Variants in HORMAD1 observed in about 807,000 individuals in gnomAD.
The protein encoded by HORMAD1 is HORMA domain containing 1.
In HORMAD1, 33 loss-of-function variants were observed where a neutral mutation model predicts 58.2. The ratio of observed to expected loss-of-function variants is 0.57; its 90% CI spans 0.43 to 0.76. The LOEUF (loss-of-function observed/expected upper bound fraction) is 0.76. HORMAD1 is among the 30% of genes least tolerant of loss of function. The pLI, the probability that HORMAD1 is intolerant of heterozygous loss-of-function variation, is 0.00. For synonymous variants in HORMAD1, 137 were observed against 144.6 expected (o/e 0.95, Z 0.38); for missense variants, 363 against 462.0 (o/e 0.79, Z 1.96).
chr1:150,717,013 T>A, intron 3 of HORMAD1, 125 bp downstream of exon 3: 1 of 501,882 alleles, frequency 2.0e-6, no homozygotes. Context: ...AACTGTCAGG[T>A]ACGTGAATTG....
At chr1:150,706,220 G>A (rs918023995) in intron 10 of HORMAD1, among the ~76,000 whole-genome samples, 1 of 152,150 alleles carries the variant, frequency 6.6e-6, no homozygotes, top group African/African-American at 2.4e-5. Context: ...CCGGGAGTTA[G>A]ACTAGTGCAA....
intron 12 of HORMAD1, 27 bp downstream of exon 12, chr1:150,704,091 A>C: frequency 6.7e-7 from 1 of 1,485,994 alleles, no homozygotes; most frequent in Non-Finnish European, 9.1e-7. Flanking sequence ...ACAAAACAAA[A>C]GTGAGATGAA....
intron 7 of HORMAD1, among the ~76,000 whole-genome samples, chr1:150,709,511 G>C (rs979500516): frequency 6.6e-6 from 1 of 151,520 alleles, no homozygotes; most frequent in Admixed American, 6.6e-5. Context: ...AATGCATTGC[G>C]GAAAGCCGCA....
At chr1:150,703,233 C>T (rs368989594) in intron 13 of HORMAD1, 77 bp downstream of exon 13, 75 of 799,446 alleles carry the variant, frequency 9.4e-5, no homozygotes, top group Admixed American at 1.8e-4. Context: ...GTTTAATAAA[C>T]GAAATATTAA....
chr1:150,706,552 C>A lies in HORMAD1; in HGVS notation c.804+1G>T. The A allele has an allele frequency of 6.3e-7, 1 of 1,598,388 alleles. No homozygotes were observed. Among genetic ancestry groups the A allele is most frequent in the Non-Finnish European group, 8.6e-7 (1 of 1,168,882 alleles). ...CTTTATAACTCTTGAAATACACTTACACTTGTATAATGCTCCTGTTCATCT... is the reference window on the plus strand; with the variant it reads ...CTTTATAACTCTTGAAATACACTTAAACTTGTATAATGCTCCTGTTCATCT... On this transcript the variant is annotated splice_donor_variant, in intron 10 of 14. Coordinates refer to ENST00000361824, the MANE Select transcript of HORMAD1 (RefSeq NM_032132.5). LOFTEE classifies it high-confidence loss of function.
intron 6 of HORMAD1, 41 bp from the exon 7 acceptor site, chr1:150,711,612 G>A: frequency 2.7e-6 from 4 of 1,459,602 alleles, no homozygotes; most frequent in Non-Finnish European, 3.8e-6. Flanking sequence ...CTAAGGCTAA[G>A]TATTCAAGAA....
At chr1:150,720,278 G>T (rs1426844757) in intron 1 of HORMAD1, among the ~76,000 whole-genome samples, 1 of 152,150 alleles carries the variant, frequency 6.6e-6, no homozygotes, top group African/African-American at 2.4e-5. Context: ...CACCATGTTG[G>T]CCAGGAAACT....
At position 150,708,241 on chromosome 1, in the gene HORMAD1, T is replaced by C. The variant is rs767990091; in HGVS notation, c.547+15A>G. 2 of 1,566,326 alleles carry C rather than the reference T, an allele frequency of 1.3e-6. No homozygotes were observed. The highest frequency in any genetic ancestry group is 2.4e-5 in the South Asian group (2 of 83,826). On this transcript the variant is annotated intron_variant, in intron 9 of 14. Coordinates refer to ENST00000361824, the MANE Select transcript of HORMAD1 (RefSeq NM_032132.5). ...CATATGTACCAACTGAAACAGGATGTATTGCAAATAGTACCTTCATCATAG... is the reference window on the plus strand; with the variant it reads ...CATATGTACCAACTGAAACAGGATGCATTGCAAATAGTACCTTCATCATAG...
At position 150,706,828 on chromosome 1, in the gene HORMAD1, A is replaced by C. The variant is rs912034535; in HGVS notation, c.548-19T>G. 9 of 1,576,992 alleles carry C rather than the reference A, an allele frequency of 5.7e-6. No homozygotes were observed. The highest frequency in any genetic ancestry group is 6.0e-6 in the Non-Finnish European group (7 of 1,163,802). ...GGTGTAACTGCAAAAAAGTAAGTGT[A>C]AACTGTGCTGTTCATGAAATTAAAG... On this transcript the variant is annotated intron_variant, in intron 9 of 14. Coordinates refer to ENST00000361824, the MANE Select transcript of HORMAD1 (RefSeq NM_032132.5).
intron 10 of HORMAD1, among the ~76,000 whole-genome samples, chr1:150,705,156 T>C (rs1014230720): frequency 2.6e-5 from 4 of 152,192 alleles, no homozygotes; most frequent in Non-Finnish European, 5.9e-5. Flanking sequence ...CAAAAGGCAA[T>C]TTATTAATCC....
At position 150,708,250 on chromosome 1, in the gene HORMAD1, T is replaced by C. The variant is rs750373725; in HGVS notation, c.547+6A>G. The C allele has an allele frequency of 6.4e-5, 102 of 1,587,426 alleles. No homozygotes were observed. The East Asian group carries it at 2.2e-3, about 35-fold the overall frequency. ...CAACTGAAACAGGATGTATTGCAAATAGTACCTTCATCATAGTAAAAAAGT... is the reference window on the plus strand; with the variant it reads ...CAACTGAAACAGGATGTATTGCAAACAGTACCTTCATCATAGTAAAAAAGT... On this transcript the variant is annotated splice_donor_region_variant and intron_variant, in intron 9 of 14. Coordinates refer to ENST00000361824, the MANE Select transcript of HORMAD1 (RefSeq NM_032132.5).
intron 13 of HORMAD1, chr1:150,702,057 G>C (rs1651553031): frequency 6.6e-6 from 1 of 151,992 alleles, no homozygotes; most frequent in Non-Finnish European, 1.5e-5. Flanking sequence ...GAATCTATAA[G>C]AAACTTAAAC....
intron 1 of HORMAD1, among the ~76,000 whole-genome samples, chr1:150,719,966 T>G (rs1052674917): frequency 1.1e-4 from 17 of 152,120 alleles, no homozygotes; most frequent in Non-Finnish European, 2.1e-4. Flanking sequence ...CAGGCTGGAG[T>G]GCAGTGGCGC....
At chr1:150,700,028 A>G in intron 14 of HORMAD1, 84 bp downstream of exon 14, 1 of 648,486 alleles carries the variant, frequency 1.5e-6, no homozygotes, top group Non-Finnish European at 2.7e-6. Context: ...AAGATATCAA[A>G]TTCATCATTT....
chr1:150,703,538 T>G (rs1369248685), intron 12 of HORMAD1, 145 bp from the exon 13 acceptor site: 1 of 517,372 alleles, frequency 1.9e-6, no homozygotes, highest in Non-Finnish European at 3.4e-6. Context: ...GTTCATACTG[T>G]TCAAAAAGCA....
At chr1:150,711,912 C>A in intron 5 of HORMAD1, 59 bp from the exon 6 acceptor site, 1 of 1,134,118 alleles carries the variant, frequency 8.8e-7, no homozygotes, top group East Asian at 2.5e-5. Context: ...TTTTTCATTA[C>A]GAATCATAAG....
At chr1:150,703,510 A>G in intron 12 of HORMAD1, 117 bp from the exon 13 acceptor site, 1 of 597,174 alleles carries the variant, frequency 1.7e-6, no homozygotes, top group East Asian at 2.9e-5. Flanking sequence ...TCAAGTTAAA[A>G]CCAATAATTT....
At position 150,700,149 on chromosome 1, in the gene HORMAD1, T is replaced by C; in HGVS notation, c.1067A>G (p.Glu356Gly). Residue 356 changes from glutamate (E) to glycine (G), a missense_variant, in exon 14 of 15, where the codon GAA (glutamate) becomes GGA (glycine). Glu to Gly is a moderately conservative substitution (Grantham distance 98, BLOSUM62 -2). Coordinates refer to ENST00000361824, the MANE Select transcript of HORMAD1 (RefSeq NM_032132.5). ...NGNQPVKSSK[E>G]NRKRSQHESG... is the part of the protein sequence containing the mutation. ...TTCATGTTGACTTCTCTTCCGATTT[T>C]CTTTGGAAGATTTTACTGGTTGATT... 6.3e-7 allele frequency: 1 copy of C among 1,582,614 alleles called. No individual in the cohort carries two copies. The highest frequency in any genetic ancestry group is 8.7e-7 in the Non-Finnish European group (1 of 1,151,968).
Position 150,708,377 on chromosome 1 carries a change from C to T in HORMAD1, c.426G>A (p.Leu142=). ...SKNQSNESSM[L]STDTKKASIL... is the part of the protein sequence containing the mutation. The stretch of plus-strand genomic sequence containing the variant: ...TGCTTGCTTTCTTGGTGTCAGTAGA[C>T]AACATGCTAGATTCGTTGCTTTGGT... The change falls in exon 9 of 15, where the codon TTG becomes TTA. Residue 142 remains leucine, a synonymous_variant. Coordinates refer to ENST00000361824, the MANE Select transcript of HORMAD1 (RefSeq NM_032132.5). The T allele has an allele frequency of 6.2e-7, 1 of 1,606,546 alleles. No individual in the cohort carries two copies. The highest frequency in any genetic ancestry group is 8.5e-7 in the Non-Finnish European group (1 of 1,176,550).
Sources: allele counts gnomAD v4.1 joint callset (sites outside exome capture counted in the v4.1 genomes callset), GRCh38; gene constraint gnomAD v4.1.1; transcripts MANE v1.5; gene names NCBI Gene and HGNC (gene_info 2026-07-23, HGNC 2026-07-21).